SEMA4D: variants seen among roughly 807,000 people sequenced by gnomAD.
SEMA4D encodes the protein semaphorin 4D.
Under a neutral mutation model 74.8 loss-of-function variants are expected in SEMA4D, and 22 were observed. The ratio of observed to expected loss-of-function variants is 0.29; its 90% confidence interval spans 0.21 to 0.42. SEMA4D has a LOEUF of 0.42. Ranked by LOEUF, SEMA4D falls within the 10% of genes least tolerant of loss-of-function variation. SEMA4D has a pLI of 1.00. For synonymous variants in SEMA4D, 445 were observed against 463.7 expected (o/e 0.96, Z 0.52); for missense variants, 937 against 1,118.4 (o/e 0.84, Z 2.31).
At chr9:89,427,939 C>G (rs748688971) in intron 2 of SEMA4D, among the ~76,000 whole-genome samples, 1 of 152,204 alleles carries the variant, frequency 6.6e-6, no homozygotes, top group Non-Finnish European at 1.5e-5. Context: ...TTCTGTCTCT[C>G]GTAGGGCCCA....
chr9:89,416,348 A>G (rs1845700001), intron 2 of SEMA4D, among the ~76,000 whole-genome samples: 1 of 152,230 alleles, frequency 6.6e-6, no homozygotes, highest in Non-Finnish European at 1.5e-5. Context: ...ATGCTCCTCA[A>G]TGAGGGGCTG....
chr9:89,459,125 C>T (rs986660629), intron 1 of SEMA4D, among the ~76,000 whole-genome samples: 22 of 152,214 alleles, frequency 1.4e-4, no homozygotes, highest in Non-Finnish European at 2.8e-4. Flanking sequence ...CCATCGCAGC[C>T]TCCTAGAGAC....
chr9:89,392,336 G>A (rs923223057), intron 8 of SEMA4D, 87 bp downstream of exon 8: 1 of 1,088,750 alleles, frequency 9.2e-7, no homozygotes, highest in Non-Finnish European at 1.4e-6. Context: ...GGGCCCCCAG[G>A]GCTCAGAGAC....
Position 89,379,244 on chromosome 9 carries a change from T to G in SEMA4D, c.2049A>C (p.Pro683=). The stretch of plus-strand genomic sequence containing the variant: ...AGGAGGTGGCCTGCACGGCTGGGGT[T>G]GGGGGAGAAGACCCTTGGGTGGATG... The part of the protein sequence containing the change: ...LVASTQGSSP[P]TPAVQATSSG... The change falls in exon 16 of 16, where the codon CCA becomes CCC. Residue 683 remains proline (P), a synonymous_variant. Transcript: ENST00000422704. 1 of 1,613,970 alleles carries G rather than the reference T, an allele frequency of 6.2e-7. No homozygotes were observed. Among genetic ancestry groups the G allele is most frequent in the Non-Finnish European group, 8.5e-7 (1 of 1,179,930 alleles).
chr9:89,473,852 A>T (rs1424403302), intron 1 of SEMA4D, among the ~76,000 whole-genome samples: 2 of 152,088 alleles, frequency 1.3e-5, no homozygotes, highest in Non-Finnish European at 2.9e-5. Flanking sequence ...CCATCTCAAA[A>T]AACAAAACAA....
chr9:89,492,892 A>C lies in SEMA4D; in HGVS notation c.-310+5027T>G, dbSNP rs904370214. Reference sequence around the variant, plus strand: ...CCTCCCCTACATCTAGGGCTCAGCAAGGCACAGGGGCCACCTGATTTTAAA... The same window carrying C: ...CCTCCCCTACATCTAGGGCTCAGCACGGCACAGGGGCCACCTGATTTTAAA... On this transcript the variant is annotated intron_variant, in intron 1 of 15. Coordinates refer to ENST00000422704, the MANE Select transcript of SEMA4D (RefSeq NM_001371194.2). The surrounding 1 kb of genome is among the most constrained non-coding windows in gnomAD (Gnocchi z 4.3). Among the ~76,000 whole-genome samples the C allele has an allele frequency of 6.6e-6, 1 of 152,138 alleles. No homozygotes were observed. The highest frequency in any genetic ancestry group is 2.4e-5 in the African/African-American group (1 of 41,418).
At position 89,381,797 on chromosome 9, in the gene SEMA4D, T is replaced by C; in HGVS notation, c.1447-451A>G. The C allele has an allele frequency of 6.5e-6, 1 of 154,428 alleles. No individual in the cohort carries two copies. Among genetic ancestry groups the C allele is most frequent in the Non-Finnish European group, 1.4e-5 (1 of 69,724 alleles). 9.6% of individuals were successfully genotyped at this position (154,428 alleles called of 1,614,324 possible). ...AAGCACACCACCTCGAAGCCCAACC[T>C]CGTCCCCCGAGCCAGAATGTGAGCA... On this transcript the variant is annotated intron_variant, in intron 13 of 15. Transcript: ENST00000422704. The surrounding 1 kb of genome is among the most constrained non-coding windows in gnomAD (Gnocchi z 4.6).
chr9:89,414,141 G>T (rs1229151166), intron 2 of SEMA4D, among the ~76,000 whole-genome samples: 4 of 152,218 alleles, frequency 2.6e-5, no homozygotes, highest in Non-Finnish European at 4.4e-5. Context: ...CACATGGAAG[G>T]TGTCAGTGCT....
intron 2 of SEMA4D, chr9:89,450,545 C>A: frequency 9.1e-7 from 1 of 1,100,726 alleles, no homozygotes; most frequent in Non-Finnish European, 1.4e-6. Flanking sequence ...TGCCCAATGG[C>A]CCCATGCAGA....
At chr9:89,447,752 A>C (rs1478927868) in intron 2 of SEMA4D, among the ~76,000 whole-genome samples, 3 of 112,600 alleles carry the variant, frequency 2.7e-5, no homozygotes, top group African/African-American at 3.6e-5. Context: ...TCCTACCCCT[A>C]CCCTTCCTGA....
At chr9:89,380,667 G>C (rs1034564974) in intron 15 of SEMA4D, among the ~76,000 whole-genome samples, 8 of 152,124 alleles carry the variant, frequency 5.3e-5, no homozygotes, top group African/African-American at 1.9e-4. Flanking sequence ...ATCCACAGGC[G>C]GGTGAATCCC....
rs1836884307 is a variant in SEMA4D, at chr9:89,380,907, C to T, written c.1663+148G>A. 1.3e-5 allele frequency: 12 copies of T among 931,990 alleles called. No homozygotes were observed. The South Asian group carries it at 1.5e-4, about 11-fold the overall frequency. 57.7% of individuals were successfully genotyped at this position (931,990 alleles called of 1,614,324 possible). ...GGCAAGAAAAAAAGACAGAGAAGAC[C>T]ACGAGTCTGCTACAGAACACTTGAC... On this transcript the variant is annotated intron_variant, in intron 15 of 15. Coordinates refer to ENST00000422704, the MANE Select transcript of SEMA4D (RefSeq NM_001371194.2).
intron 4 of SEMA4D, 69 bp downstream of exon 4, chr9:89,402,802 C>A (rs1842490446): frequency 1.3e-6 from 2 of 1,548,942 alleles, no homozygotes; most frequent in African/African-American, 1.4e-5. Context: ...CCCAGCCCCA[C>A]AGTGGGGCCA....
At chr9:89,426,059 A>G (rs1212995108) in intron 2 of SEMA4D, among the ~76,000 whole-genome samples, 3 of 152,210 alleles carry the variant, frequency 2.0e-5, no homozygotes, top group Non-Finnish European at 4.4e-5. Flanking sequence ...CTGCACTCAG[A>G]GGCATCCCTA....
At chr9:89,464,821 C>T (rs969753087) in intron 1 of SEMA4D, among the ~76,000 whole-genome samples, 1 of 151,752 alleles carries the variant, frequency 6.6e-6, no homozygotes, top group Non-Finnish European at 1.5e-5. Flanking sequence ...TGAGTTACCA[C>T]GGGGTGTGGG....
intron 1 of SEMA4D, among the ~76,000 whole-genome samples, chr9:89,475,291 C>A (rs1235082506): frequency 6.6e-6 from 1 of 152,194 alleles, no homozygotes; most frequent in Non-Finnish European, 1.5e-5. Flanking sequence ...CCAGAAGGGG[C>A]CTGCTGGGCC....
At chr9:89,370,303 GTGT>G (rs1344424288) in intron 16 of SEMA4D, among the ~76,000 whole-genome samples, 3 of 151,606 alleles carry the variant, frequency 2.0e-5, no homozygotes, top group South Asian at 2.1e-4. Flanking sequence ...ATGTGTGTGC[GTGT>G]TATGTCGTGT....
Position 89,484,014 on chromosome 9 carries a change from C to G in SEMA4D, c.-310+13905G>C, listed in dbSNP as rs1339874251. On this transcript the variant is annotated intron_variant, in intron 1 of 15. Transcript: ENST00000422704. This position sits in a 1 kb window ranked among gnomAD's most constrained non-coding sequence, Gnocchi z 4.1. ...TCATCTCATTTAATAATCCTACAGT[C>G]CCCCAACAACCACTGAGGGACAACC... 6.6e-6 allele frequency among the ~76,000 whole-genome samples: 1 copy of G among 152,236 alleles called. No homozygotes were observed. Among genetic ancestry groups the G allele is most frequent in the Non-Finnish European group, 1.5e-5 (1 of 68,040 alleles).
intron 9 of SEMA4D, among the ~76,000 whole-genome samples, chr9:89,390,360 G>A (rs1390396276): frequency 1.4e-4 from 8 of 56,006 alleles, no homozygotes; most frequent in South Asian, 6.5e-4. Context: ...TGGCAGCCAC[G>A]GCTGCGGGGC....
Sources: allele counts gnomAD v4.1 joint callset (sites outside exome capture counted in the v4.1 genomes callset), GRCh38; gene constraint gnomAD v4.1.1; non-coding constraint Gnocchi (gnomAD v3.1); transcripts MANE v1.5; gene names NCBI Gene and HGNC (gene_info 2026-07-23, HGNC 2026-07-21).